The following VSIG10 variants were observed in gnomAD, a reference collection of about 807,000 sequenced individuals.
VSIG10 encodes the protein V-set and immunoglobulin domain-containing protein 10.
Under a neutral mutation model 58.7 loss-of-function variants are expected in VSIG10, and 48 were observed. That is an observed-to-expected ratio of 0.82 (90% CI 0.65 to 1.04). The LOEUF is 1.04. Among genes scored for constraint, VSIG10 ranks in the 50% least tolerant of loss-of-function variants. The pLI is 0.00. For synonymous variants in VSIG10, 260 were observed against 267.1 expected, an observed-to-expected ratio of 0.97 and a Z score of 0.26; for missense variants, 628 against 670.0, an observed-to-expected ratio of 0.94 and a Z score of 0.69.
At chr12:118,079,101 T>A (rs542256907) in intron 4 of VSIG10, among the ~76,000 whole-genome samples, 76 of 152,072 alleles carry the variant, frequency 5.0e-4, no homozygotes, top group Non-Finnish European at 4.4e-5. Context: ...ACCTGGCACA[T>A]AGCAGGGGTT....
At chr12:118,068,745 T>C (rs1343954384) in intron 7 of VSIG10, 148 bp from the exon 8 acceptor site, 23 of 1,044,492 alleles carry the variant, frequency 2.2e-5, no homozygotes, top group Non-Finnish European at 2.7e-5. Flanking sequence ...GATGGTGTGG[T>C]AACCGCAGAG....
At chr12:118,071,528 C>T in intron 5 of VSIG10, 59 bp from the exon 6 acceptor site, 1 of 1,475,712 alleles carries the variant, frequency 6.8e-7, no homozygotes, top group Admixed American at 1.7e-5. Flanking sequence ...ATTAGAACAA[C>T]ACCTCCCTTT....
chr12:118,096,578 C>CA (rs371525608), intron 1 of VSIG10, among the ~76,000 whole-genome samples: 47,146 of 116,398 alleles, frequency 0.41, 8,991 homozygotes, highest in Admixed American at 0.53. Flanking sequence ...AACTCCGTCT[C>CA]AAAAAAAAAA....
chr12:118,090,127 A>C (rs112125531), intron 2 of VSIG10, among the ~76,000 whole-genome samples: 3 of 152,266 alleles, frequency 2.0e-5, no homozygotes, highest in African/African-American at 7.2e-5. Flanking sequence ...CAGCCTGGCC[A>C]ACATGGTGAA....
intron 1 of VSIG10, among the ~76,000 whole-genome samples, chr12:118,097,904 C>T (rs1052322823): frequency 2.6e-5 from 4 of 152,066 alleles, no homozygotes; most frequent in Non-Finnish European, 1.5e-5. Flanking sequence ...GCCTGGGTGA[C>T]AAGAGTGAAA....
At position 118,063,661 on chromosome 12, in the gene VSIG10, C is replaced by T. The variant is rs1371596733; in HGVS notation, c.*2978G>A. 1 of 152,126 alleles carries T rather than the reference C, an allele frequency of 6.6e-6. No homozygotes were observed. The highest frequency in any genetic ancestry group is 1.5e-5 in the Non-Finnish European group (1 of 68,032). 9.4% of individuals were successfully genotyped at this position (152,126 alleles called of 1,614,324 possible). A position where few individuals can be genotyped will look rare whatever the true frequency, so the allele number is the denominator to read the frequency against. On this transcript the variant is annotated 3_prime_UTR_variant, in exon 9 of 9. Transcript: ENST00000359236. The stretch of plus-strand genomic sequence containing the variant: ...TATGATAACCTCAGAACTAATTTCT[C>T]CCAACCTCCCCCCACCACATCTTAA...
In VSIG10 at chr12:118,082,264, G is replaced by A. The variant is rs374886051; in HGVS notation, c.527C>T (p.Ser176Phe). ...GTTGACTGTCAGGTTGTGGCCAAAG[G>A]ACTCGCTGCTGGAATTCAGGGCCTG... ...WFQALNSSSE[S>F]FGHNLTVNFF... is the part of the protein sequence containing the mutation. Residue 176 changes from serine (S) to phenylalanine (F), a missense_variant, in exon 3 of 9, where the codon TCC (serine) becomes TTC (phenylalanine). Physicochemically the swap from Ser to Phe is radical, Grantham distance 155. Transcript: ENST00000359236. 6.2e-6 allele frequency: 10 copies of A among 1,613,984 alleles called. No individual in the cohort carries two copies. The African/African-American group carries it at 1.2e-4, about 19-fold the overall frequency.
chr12:118,089,508 A>G (rs370557963), intron 2 of VSIG10, among the ~76,000 whole-genome samples: 8 of 152,274 alleles, frequency 5.3e-5, no homozygotes, highest in African/African-American at 1.7e-4. Flanking sequence ...AGCGATGACT[A>G]ATTATTTTGG....
intron 4 of VSIG10, among the ~76,000 whole-genome samples, chr12:118,078,969 T>A (rs7313990): frequency 0.21 from 9,067 of 42,444 alleles, 1,351 homozygotes; most frequent in East Asian, 0.43. Context: ...AAAAAAAAAA[T>A]TTTCTTTATA....
At chr12:118,078,193 C>G (rs2032800919) in intron 4 of VSIG10, among the ~76,000 whole-genome samples, 1 of 152,222 alleles carries the variant, frequency 6.6e-6, no homozygotes, top group South Asian at 2.1e-4. Context: ...GAGTCTCACT[C>G]CATCGCCCAG....
At chr12:118,081,294 T>C (rs955746121) in intron 3 of VSIG10, among the ~76,000 whole-genome samples, 2 of 152,138 alleles carry the variant, frequency 1.3e-5, no homozygotes, top group African/African-American at 4.8e-5. Context: ...GATGGTTGCA[T>C]AAATGCACTG....
chr12:118,065,402 A>C lies in VSIG10; in HGVS notation c.*1237T>G, dbSNP rs187149577. 6.6e-6 allele frequency: 1 copy of C among 152,374 alleles called. No homozygotes were observed. Among genetic ancestry groups the C allele is most frequent in the Admixed American group, 6.5e-5 (1 of 15,306 alleles). The allele number at this position is 152,374 out of a possible 1,614,324, so 9.4% of individuals were successfully genotyped here. On this transcript the variant is annotated 3_prime_UTR_variant, in exon 9 of 9. Coordinates refer to ENST00000359236, the MANE Select transcript of VSIG10 (RefSeq NM_019086.6). ...GCTCTGCAAAATGTAGTTATAATGA[A>C]AGGCACTTCCTATTACCAGCTCCCT...
chr12:118,079,325 G>C, intron 4 of VSIG10, 21 bp downstream of exon 4: 2 of 1,609,668 alleles, frequency 1.2e-6, no homozygotes, highest in Non-Finnish European at 1.7e-6. Context: ...CCAACCCCAA[G>C]ACAAAGCAAA....
intron 4 of VSIG10, among the ~76,000 whole-genome samples, chr12:118,074,931 T>C (rs1052720456): frequency 3.3e-5 from 5 of 152,166 alleles, no homozygotes; most frequent in African/African-American, 1.2e-4. Flanking sequence ...GCTGAGTAGA[T>C]ATTTTGAGAG....
intron 7 of VSIG10, among the ~76,000 whole-genome samples, chr12:118,070,531 GA>G (rs1312983983): frequency 7.0e-5 from 9 of 129,228 alleles, no homozygotes; most frequent in Non-Finnish European, 1.1e-4. Flanking sequence ...CTGAGCAAGA[GA>G]GAGAGATTCT....
At chr12:118,070,932 A>G in intron 7 of VSIG10, 120 bp downstream of exon 7, 1 of 1,191,582 alleles carries the variant, frequency 8.4e-7, no homozygotes, top group Admixed American at 2.0e-5. Flanking sequence ...GCCAGTGTCT[A>G]GCACATCGTA....
intron 4 of VSIG10, among the ~76,000 whole-genome samples, chr12:118,077,721 G>A (rs945081591): frequency 6.6e-6 from 1 of 152,202 alleles, no homozygotes; most frequent in Non-Finnish European, 1.5e-5. Context: ...TGCTCTGAGG[G>A]AAGCCATCTG....
chr12:118,070,547 CAAAAAAAAA>C (rs10607174), intron 7 of VSIG10, among the ~76,000 whole-genome samples: 4 of 111,658 alleles, frequency 3.6e-5, no homozygotes, highest in African/African-American at 1.3e-4. Context: ...GATTCTGTCT[CAAAAAAAAA>C]AAAAAAAAGA....
chr12:118,098,213 TC>T (rs2033519823), intron 1 of VSIG10, among the ~76,000 whole-genome samples: 6 of 152,040 alleles, frequency 3.9e-5, no homozygotes, highest in Non-Finnish European at 8.8e-5. Context: ...GTTTCCACTG[TC>T]CCACTGCTCT....
Sources: gnomAD v4.1 joint callset for allele counts (sites outside exome capture counted in the v4.1 genomes callset) on GRCh38, gnomAD v4.1.1 for gene constraint, MANE v1.5 for transcripts, NCBI Gene and HGNC (gene_info 2026-07-23, HGNC 2026-07-21) for gene names.